NXN: variants seen among roughly 807,000 people sequenced by gnomAD.
The protein encoded by NXN is nucleoredoxin 1.
Under a neutral mutation model 48.6 loss-of-function variants are expected in NXN, and 16 were observed. The observed-to-expected ratio is 0.33, with a 90% CI of 0.22 to 0.50. The LOEUF (loss-of-function observed/expected upper bound fraction) is 0.50, where lower values mean the gene tolerates loss of function less well. Among genes scored for constraint, NXN ranks in the 20% least tolerant of loss-of-function variants. The pLI is 0.98. For missense variants in NXN, 492 were observed against 605.5 expected, an observed-to-expected ratio of 0.81 and a Z score of 1.97; for synonymous variants, 281 against 269.6, an observed-to-expected ratio of 1.04 and a Z score of -0.41.
chr17:847,462 G>A (rs1379441984), intron 1 of NXN, among the ~76,000 whole-genome samples: 4 of 152,128 alleles, frequency 2.6e-5, no homozygotes, highest in African/African-American at 4.8e-5. Flanking sequence ...AGCCTGGCAC[G>A]TGAAGGCTTT....
At chr17:951,430 C>T (rs1397519671) in intron 1 of NXN, among the ~76,000 whole-genome samples, 2 of 151,886 alleles carry the variant, frequency 1.3e-5, no homozygotes, top group African/African-American at 2.4e-5. Flanking sequence ...TTGCAACGAT[C>T]GCACGAGGGA....
chr17:868,278 A>G (rs571430177), intron 1 of NXN, among the ~76,000 whole-genome samples: 2 of 152,060 alleles, frequency 1.3e-5, no homozygotes, highest in East Asian at 1.9e-4. Flanking sequence ...GATTCCCTCT[A>G]TCCCAGCCAC....
At chr17:803,530 C>A in intron 7 of NXN, 152 bp downstream of exon 7, 1 of 949,188 alleles carries the variant, frequency 1.1e-6, no homozygotes. Flanking sequence ...CGAATGGCTA[C>A]CTTTCCTTGC....
At chr17:952,800 C>T (rs868799008) in intron 1 of NXN, among the ~76,000 whole-genome samples, 3 of 103,788 alleles carry the variant, frequency 2.9e-5, no homozygotes, top group African/African-American at 1.1e-4. Flanking sequence ...GCAGGTACCA[C>T]GGACGGTCAC....
At chr17:942,480 A>C (rs866493335) in intron 1 of NXN, among the ~76,000 whole-genome samples, 1,107 of 41,438 alleles carry the variant, frequency 0.027, no homozygotes, top group African/African-American at 0.082. Context: ...GAATTCACCA[A>C]ACACCTCCCT....
At chr17:832,493 G>GA (rs1199177829) in intron 1 of NXN, among the ~76,000 whole-genome samples, 1 of 152,086 alleles carries the variant, frequency 6.6e-6, no homozygotes, top group Non-Finnish European at 1.5e-5. Context: ...CCTCAGCCAG[G>GA]AATTTTTAAG....
intron 5 of NXN, 197 bp downstream of exon 5, chr17:819,242 G>A (rs888458333): frequency 1.2e-5 from 7 of 601,594 alleles, no homozygotes; most frequent in African/African-American, 5.5e-5. Flanking sequence ...TGCCATGCCC[G>A]GCCTGACAAT....
At position 932,262 on chromosome 17, in the gene NXN, C is replaced by T. The variant is rs11651883; in HGVS notation, c.360+47057G>A. Among the ~76,000 whole-genome samples the T allele has an allele frequency of 0.27, 40,755 of 152,140 alleles. 6,700 individuals are homozygous for T. Among genetic ancestry groups the T allele is most frequent in the East Asian group, 0.41 (2,130 of 5,182 alleles). ...TACCTGCCCAGCTACCAACCCAAACCGGCCTTGTTTTGGTCCTAGGCGGCG... is the reference window on the plus strand; with the variant it reads ...TACCTGCCCAGCTACCAACCCAAACTGGCCTTGTTTTGGTCCTAGGCGGCG... On this transcript the variant is annotated intron_variant, in intron 1 of 7. Transcript: ENST00000336868. This position sits in a 1 kb window ranked among gnomAD's most constrained non-coding sequence, Gnocchi z 4.1.
chr17:886,583 C>G (rs2068350449), intron 1 of NXN, among the ~76,000 whole-genome samples: 2 of 152,098 alleles, frequency 1.3e-5, no homozygotes, highest in African/African-American at 2.4e-5. Context: ...TCGAGATCAG[C>G]CTGGCCAATG....
chr17:893,591 C>T (rs995830456), intron 1 of NXN, among the ~76,000 whole-genome samples: 4 of 147,420 alleles, frequency 2.7e-5, no homozygotes, highest in East Asian at 2.0e-4. Flanking sequence ...AGCATCTCAA[C>T]TCCCTGGAAG....
At chr17:864,063 G>C in intron 1 of NXN, 2 of 1,481,490 alleles carry the variant, frequency 1.3e-6, no homozygotes, top group Non-Finnish European at 1.8e-6. Flanking sequence ...CTCGGTTCCG[G>C]TGAAGGGGCA....
chr17:820,610 T>TA (rs1912779311), intron 4 of NXN, among the ~76,000 whole-genome samples: 1 of 32,602 alleles, frequency 3.1e-5, no homozygotes, highest in Non-Finnish European at 4.8e-5. Flanking sequence ...AGACTCTGTC[T>TA]CAAAAAAAAA....
At chr17:915,009 A>C (rs1364921499) in intron 1 of NXN, among the ~76,000 whole-genome samples, 1 of 150,992 alleles carries the variant, frequency 6.6e-6, no homozygotes, top group Non-Finnish European at 1.5e-5. Context: ...ATCTCGGCTC[A>C]CTCCAACTTC....
Position 917,205 on chromosome 17 carries a change from G to C in NXN, c.360+62114C>G, listed in dbSNP as rs936929032. ...AGCCCAGGCTGGAGTGCAATGGCGC[G>C]ACCTCGGCTCGCCGTGGCCTCCGCC... On this transcript the variant is annotated intron_variant, in intron 1 of 7. Transcript: ENST00000336868. The surrounding 1 kb of genome is among the most constrained non-coding windows in gnomAD (Gnocchi z 4.5). Among the ~76,000 whole-genome samples, 1 of 151,008 alleles carries C rather than the reference G, an allele frequency of 6.6e-6. No individual in the cohort carries two copies. The highest frequency in any genetic ancestry group is 2.4e-5 in the African/African-American group (1 of 40,920).
At chr17:950,301 T>G (rs1597268904) in intron 1 of NXN, among the ~76,000 whole-genome samples, 1 of 152,252 alleles carries the variant, frequency 6.6e-6, no homozygotes, top group Non-Finnish European at 1.5e-5. Context: ...AGAAAGGGAT[T>G]CGGTGGGGGA....
chr17:955,061 C>T (rs1303311881), intron 1 of NXN, among the ~76,000 whole-genome samples: 1 of 152,004 alleles, frequency 6.6e-6, no homozygotes, highest in African/African-American at 2.4e-5. Flanking sequence ...TGAGCCCCCG[C>T]GACGGGGAGA....
rs1039015185 is a variant in NXN, at chr17:842,539, A to C, written c.361-16461T>G. On this transcript the variant is annotated intron_variant, in intron 1 of 7. Transcript: ENST00000336868. ...ATGCAACCCACCTTCGAAGACGCCA[A>C]CCAGAGGCACCTACGGCACATCCCG... 5 of 985,424 alleles carry C rather than the reference A, an allele frequency of 5.1e-6. No individual in the cohort carries two copies. In the East Asian group the frequency reaches 4.5e-4, roughly 90 times the overall value. 61.0% of individuals were successfully genotyped at this position (985,424 alleles called of 1,614,324 possible).
intron 1 of NXN, among the ~76,000 whole-genome samples, chr17:904,647 G>A (rs1396463347): frequency 6.6e-6 from 1 of 152,068 alleles, no homozygotes. Context: ...GGGTTCAAGC[G>A]ATTCTCCTGC....
intron 1 of NXN, among the ~76,000 whole-genome samples, chr17:961,719 ACTAT>A (rs767662566): frequency 7.9e-5 from 12 of 152,176 alleles, no homozygotes; most frequent in Admixed American, 3.3e-4. Context: ...CATAATTTCT[ACTAT>A]CTATTTATTT....
Sources: allele counts gnomAD v4.1 joint callset (sites outside exome capture counted in the v4.1 genomes callset), GRCh38; gene constraint gnomAD v4.1.1; non-coding constraint Gnocchi (gnomAD v3.1); transcripts MANE v1.5; gene names NCBI Gene and HGNC (gene_info 2026-07-23, HGNC 2026-07-21).